B4GALT6: variants seen among roughly 807,000 people sequenced by gnomAD.
B4GALT6 encodes beta-1,4-galactosyltransferase 6.
Under a neutral mutation model 46.3 loss-of-function variants are expected in B4GALT6, and 14 were observed. That is an observed-to-expected ratio of 0.30 (90% CI 0.20 to 0.47). B4GALT6 has a LOEUF of 0.47. Ranked by LOEUF, B4GALT6 falls within the 20% of genes least tolerant of loss-of-function variation. B4GALT6 has a pLI of 0.99. For missense variants in B4GALT6, 386 were observed against 480.1 expected, an observed-to-expected ratio of 0.80 and a Z score of 1.83; for synonymous variants, 168 against 162.0, an observed-to-expected ratio of 1.04 and a Z score of -0.28.
chr18:31,666,452 G>A, intron 1 of B4GALT6, 80 bp from the exon 2 acceptor site: 1 of 562,322 alleles, frequency 1.8e-6, no homozygotes, highest in East Asian at 3.3e-5. Context: ...CAGAATTGGG[G>A]AAGTGCCCAA....
At chr18:31,719,288 A>G in the B4GALT6 span, 1 of 152,282 alleles carries the variant, frequency 6.6e-6, no homozygotes, top group Admixed American at 6.5e-5. Flanking sequence ...GGAAGGGTAG[A>G]GCTGACATAC....
the B4GALT6 span, among the ~76,000 whole-genome samples, chr18:31,703,921 G>A: frequency 1.3e-5 from 2 of 152,284 alleles, no homozygotes; most frequent in East Asian, 3.9e-4. Flanking sequence ...AAAGTTAATA[G>A]TCAGTGCTTT....
At chr18:31,630,832 G>T in intron 6 of B4GALT6, 127 bp downstream of exon 6, 1 of 1,007,464 alleles carries the variant, frequency 9.9e-7, no homozygotes, top group Non-Finnish European at 1.5e-6. Flanking sequence ...GGACACGATG[G>T]AGTTAAAGAT....
intron 1 of B4GALT6, among the ~76,000 whole-genome samples, chr18:31,680,989 G>A (rs992274246): frequency 1.3e-5 from 2 of 152,116 alleles, no homozygotes; most frequent in Non-Finnish European, 2.9e-5. Flanking sequence ...TTCTCCTCTG[G>A]AAATCCTTAA....
At chr18:31,640,580 T>C (rs913058757) in intron 4 of B4GALT6, among the ~76,000 whole-genome samples, 6 of 152,134 alleles carry the variant, frequency 3.9e-5, no homozygotes, top group Admixed American at 2.6e-4. Flanking sequence ...TCACAGCATA[T>C]CTATCTGGCA....
At chr18:31,655,219 C>T (rs186736625) in intron 3 of B4GALT6, among the ~76,000 whole-genome samples, 1 of 152,342 alleles carries the variant, frequency 6.6e-6, no homozygotes, top group Admixed American at 6.5e-5. Flanking sequence ...GTTATGTTGG[C>T]TGTACCCATG....
the B4GALT6 span, among the ~76,000 whole-genome samples, chr18:31,712,870 T>C: frequency 2.0e-5 from 3 of 152,328 alleles, no homozygotes; most frequent in African/African-American, 7.2e-5. Context: ...GTTACATTTT[T>C]GCATGGTTTA....
chr18:31,698,816 A>G, the B4GALT6 span, among the ~76,000 whole-genome samples: 1 of 152,096 alleles, frequency 6.6e-6, no homozygotes, highest in Non-Finnish European at 1.5e-5. Context: ...ATGCCTGTAA[A>G]GCCCAGCACT....
the B4GALT6 span, among the ~76,000 whole-genome samples, chr18:31,695,530 T>C: frequency 6.6e-6 from 1 of 152,042 alleles, no homozygotes; most frequent in South Asian, 2.1e-4. Context: ...CTGACCTCTT[T>C]TGACCATGCG....
At chr18:31,723,600 AC>A in the B4GALT6 span, among the ~76,000 whole-genome samples, 1 of 151,866 alleles carries the variant, frequency 6.6e-6, no homozygotes, top group Non-Finnish European at 1.5e-5. Flanking sequence ...TGAATTGCTC[AC>A]CCCCCAAAAC....
chr18:31,702,690 A>G, the B4GALT6 span, among the ~76,000 whole-genome samples: 1 of 152,348 alleles, frequency 6.6e-6, no homozygotes, highest in Admixed American at 6.5e-5. Context: ...GAAAGGCACA[A>G]ATACCATAAA....
the B4GALT6 span, among the ~76,000 whole-genome samples, chr18:31,710,706 A>T: frequency 1.3e-5 from 2 of 152,066 alleles, no homozygotes; most frequent in Non-Finnish European, 2.9e-5. Context: ...TTTCTGTTTT[A>T]AACCATCCAG....
intron 5 of B4GALT6, among the ~76,000 whole-genome samples, chr18:31,632,116 T>C (rs971622425): frequency 6.6e-6 from 1 of 152,160 alleles, no homozygotes; most frequent in African/African-American, 2.4e-5. Context: ...AACAAAACCA[T>C]TTCTAAAATA....
chr18:31,625,673 A>T lies in B4GALT6; in HGVS notation c.1090T>A (p.Leu364Met). 6.2e-7 allele frequency: 1 copy of T among 1,613,620 alleles called. No individual in the cohort carries two copies. Among genetic ancestry groups the T allele is most frequent in the South Asian group, 1.1e-5 (1 of 90,972 alleles). ...AGGTTTACAGATATGTTTGTATACA[A>T]CCTATCAACCAGTATTTTTGGCCTA... ...IYRPKILVDR[L>M]YTNISVNLMP... Residue 364 changes from leucine (L) to methionine (M), a missense_variant, in exon 9 of 9, where the codon TTG becomes ATG. Physicochemically the swap from Leu to Met is conservative, Grantham distance 15 (BLOSUM62 2). Around this residue, in one of 2 missense-constraint regions of B4GALT6, gnomAD observed 323 missense variants for 438.9 expected, o/e 0.74. Coordinates refer to ENST00000306851, the MANE Select transcript of B4GALT6 (RefSeq NM_004775.5).
intron 1 of B4GALT6, 106 bp downstream of exon 1, chr18:31,684,206 C>A (rs997554607): frequency 1.3e-6 from 2 of 1,529,846 alleles, no homozygotes; most frequent in Non-Finnish European, 1.8e-6. Context: ...CGCTTTTCTG[C>A]GGGCCCCTGT....
intron 6 of B4GALT6, 106 bp downstream of exon 6, chr18:31,630,853 G>C (rs1271872654): frequency 8.3e-7 from 1 of 1,207,754 alleles, no homozygotes; most frequent in East Asian, 2.4e-5. Context: ...GATATTCTTG[G>C]GGTTCTTGAG....
At chr18:31,724,252 C>T in the B4GALT6 span, 1 of 358,838 alleles carries the variant, frequency 2.8e-6, no homozygotes, top group Admixed American at 3.4e-5. Context: ...TGCGCGGCGC[C>T]AGCGCTTGTC....
chr18:31,649,380 T>C (rs1045599453), intron 3 of B4GALT6, among the ~76,000 whole-genome samples: 2 of 152,196 alleles, frequency 1.3e-5, no homozygotes, highest in African/African-American at 4.8e-5. Context: ...AATGAATGAA[T>C]GAATGAGTAG....
At chr18:31,707,760 G>C in the B4GALT6 span, among the ~76,000 whole-genome samples, 2 of 151,974 alleles carry the variant, frequency 1.3e-5, no homozygotes, top group South Asian at 2.1e-4. Context: ...TTCAAAAATG[G>C]AACTATATTG....
Sources: allele counts gnomAD v4.1 joint callset (sites outside exome capture counted in the v4.1 genomes callset), GRCh38; gene constraint gnomAD v4.1.1; regional missense constraint gnomAD v4.1.1; transcripts MANE v1.5; gene names NCBI Gene and HGNC (gene_info 2026-07-23, HGNC 2026-07-21).